ADGRL1: variants seen among roughly 807,000 people sequenced by gnomAD.
The protein encoded by ADGRL1 is adhesion G protein-coupled receptor L1.
Under a neutral mutation model 148.9 loss-of-function variants are expected in ADGRL1, and 31 were observed. The observed-to-expected ratio is 0.21, with a 90% CI of 0.16 to 0.28. The LOEUF is 0.28. Among genes scored for constraint, ADGRL1 ranks in the 10% least tolerant of loss-of-function variants. The pLI is 1.00. For synonymous variants in ADGRL1, 937 were observed against 900.3 expected (o/e 1.04, Z -0.73); for missense variants, 1,521 against 2,058.8 (o/e 0.74, Z 5.05).
intron 1 of ADGRL1, among the ~76,000 whole-genome samples, chr19:14,202,363 C>G (rs1972670065): frequency 6.6e-6 from 1 of 152,102 alleles, no homozygotes; most frequent in Non-Finnish European, 1.5e-5. Context: ...AGCAATCCTC[C>G]CGCCTCAGCC....
At chr19:14,191,180 C>G in intron 1 of ADGRL1, 1 of 456,746 alleles carries the variant, frequency 2.2e-6, no homozygotes, top group South Asian at 1.5e-5. Flanking sequence ...CTCCCTCCAG[C>G]CATGCGGGTT....
At position 14,162,621 on chromosome 19, in the gene ADGRL1, G is replaced by A. The variant is rs1751363939; in HGVS notation, c.1180C>T (p.Pro394Ser). The change falls in exon 5 of 23, where the codon CCC becomes TCC. Residue 394 changes from proline to serine, a missense_variant. Pro to Ser is a moderately conservative substitution (Grantham distance 74). Around this residue, in one of 8 missense-constraint regions of ADGRL1, gnomAD observed 270 missense variants for 320.4 expected, o/e 0.84. Coordinates refer to ENST00000361434, the MANE Select transcript of ADGRL1 (RefSeq NM_014921.5). The surrounding 1 kb of genome is among the most constrained non-coding windows in gnomAD (Gnocchi z 5.4). The part of the protein sequence containing the change: ...VVRYSLEFGP[P>S]DPSAGPATSP... Reference sequence around the variant, plus strand: ...TCGTCCTCACCAGCACTGGGGTCGGGCGGCCCGAACTCCAGGCTGTAGCGC... The same window carrying A: ...TCGTCCTCACCAGCACTGGGGTCGGACGGCCCGAACTCCAGGCTGTAGCGC... The A allele has an allele frequency of 6.2e-7, 1 of 1,606,686 alleles. No homozygotes were observed. The highest frequency in any genetic ancestry group is 1.7e-5 in the Admixed American group (1 of 59,842).
At position 14,159,419 on chromosome 19, in the gene ADGRL1, C is replaced by A. The variant is rs1169506222; in HGVS notation, c.2005G>T (p.Ala669Ser). The A allele has an allele frequency of 6.2e-7, 1 of 1,610,402 alleles. No homozygotes were observed. Among genetic ancestry groups the A allele is most frequent in the Non-Finnish European group, 8.5e-7 (1 of 1,177,956 alleles). The change falls in exon 10 of 23, where the codon GCT becomes TCT. Residue 669 changes from alanine to serine, a missense_variant. Physicochemically the swap from Ala to Ser is moderately conservative, Grantham distance 99 (BLOSUM62 1). Around this residue, in one of 8 missense-constraint regions of ADGRL1, gnomAD observed 265 missense variants for 431.9 expected, o/e 0.61. Transcript: ENST00000361434. The surrounding 1 kb of genome is among the most constrained non-coding windows in gnomAD (Gnocchi z 6.0). ...CACTCACCCACGTTCTCCTTGGCAG[C>A]CAGGAAGCGGGCAGGCTCCCTGACA... ...DNVREPARFLAAKENVVLEVT... is the reference protein window; with the variant it reads ...DNVREPARFLSAKENVVLEVT...
chr19:14,178,358 A>G (rs1970961473), intron 2 of ADGRL1, among the ~76,000 whole-genome samples: 1 of 152,062 alleles, frequency 6.6e-6, no homozygotes, highest in South Asian at 2.1e-4. Flanking sequence ...TACACAAATT[A>G]GCCAGACGTG....
chr19:14,202,295 C>G (rs1332813274), intron 1 of ADGRL1, among the ~76,000 whole-genome samples: 1 of 151,930 alleles, frequency 6.6e-6, no homozygotes, highest in African/African-American at 2.4e-5. Context: ...CTCTGTCGCC[C>G]ACGCTGGAGT....
chr19:14,162,935 T>C lies in ADGRL1; in HGVS notation c.866A>G (p.Gln289Arg). 1 of 1,613,656 alleles carries C rather than the reference T, an allele frequency of 6.2e-7. No individual in the cohort carries two copies. Reference sequence around the variant, plus strand: ...AAAGCGCAGTGTGTAGGGGTTCAGCTGGCTCACCACCAGCCGCCCGTTGTT... The same window carrying C: ...AAAGCGCAGTGTGTAGGGGTTCAGCCGGCTCACCACCAGCCGCCCGTTGTT... ...EGNNGRLVVSQLNPYTLRFEG... is the reference protein window; with the variant it reads ...EGNNGRLVVSRLNPYTLRFEG... Residue 289 changes from glutamine to arginine, a missense_variant, in exon 5 of 23, where the codon CAG becomes CGG. This residue lies in a region of ADGRL1 where 334 missense variants were observed against 512.5 expected (regional missense o/e 0.65). Coordinates refer to ENST00000361434, the MANE Select transcript of ADGRL1 (RefSeq NM_014921.5). This position sits in a 1 kb window ranked among gnomAD's most constrained non-coding sequence, Gnocchi z 5.4.
At chr19:14,182,937 G>C (rs909438396) in intron 2 of ADGRL1, among the ~76,000 whole-genome samples, 3 of 152,190 alleles carry the variant, frequency 2.0e-5, no homozygotes, top group Non-Finnish European at 4.4e-5. Context: ...CCCAGAGTGA[G>C]GGGCCGGGCC....
intron 1 of ADGRL1, among the ~76,000 whole-genome samples, chr19:14,205,019 T>C (rs2145208828): frequency 6.6e-6 from 1 of 151,912 alleles, no homozygotes; most frequent in African/African-American, 2.4e-5. Context: ...TGGGGCAGTG[T>C]GAGGACCCGG....
chr19:14,157,482 A>C lies in ADGRL1; in HGVS notation c.2536-22T>G. The stretch of plus-strand genomic sequence containing the variant: ...GGTACTGGGGACAGGAACAGGGGGC[A>C]CGCTCAGGGCCTTTGGTTTTGCACG... On this transcript the variant is annotated intron_variant, in intron 13 of 22. Transcript: ENST00000361434. This position sits in a 1 kb window ranked among gnomAD's most constrained non-coding sequence, Gnocchi z 7.5. 6.2e-7 allele frequency: 1 copy of C among 1,611,952 alleles called. No individual in the cohort carries two copies. Among genetic ancestry groups the C allele is most frequent in the South Asian group, 1.1e-5 (1 of 91,046 alleles).
chr19:14,175,009 AT>A (rs1424106845), intron 3 of ADGRL1, among the ~76,000 whole-genome samples: 1 of 150,590 alleles, frequency 6.6e-6, no homozygotes, highest in Non-Finnish European at 1.5e-5. Context: ...TGGCTAATTT[AT>A]TTTTTAGTTT....
chr19:14,180,492 G>A (rs1277867667), intron 2 of ADGRL1, among the ~76,000 whole-genome samples: 1 of 151,974 alleles, frequency 6.6e-6, no homozygotes, highest in Non-Finnish European at 1.5e-5. Context: ...CTGACCTCAG[G>A]TGATCCGCCC....
intron 1 of ADGRL1, among the ~76,000 whole-genome samples, chr19:14,200,308 C>T (rs1428875548): frequency 6.6e-6 from 1 of 152,188 alleles, no homozygotes. Flanking sequence ...CGGGAACAGA[C>T]TGTGCAGGAC....
chr19:14,151,314 A>G lies in ADGRL1; in HGVS notation c.3969T>C (p.Ala1323=), dbSNP rs544480449. The G allele has an allele frequency of 1.6e-5, 25 of 1,595,936 alleles. No homozygotes were observed. In the African/African-American group the frequency reaches 3.4e-4, roughly 21 times the overall value. ...GEEEAGGPGG[A]DRAEIELLYK... ...AGAGAAGTTCAATCTCGGCCCGGTC[A>G]GCACCCCCGGGCCCGCCCGCCTCTT... is the stretch of plus-strand genomic sequence containing the variant. Residue 1323 remains alanine, a synonymous_variant, in exon 23 of 23, where the codon GCT becomes GCC. Coordinates refer to ENST00000361434, the MANE Select transcript of ADGRL1 (RefSeq NM_014921.5).
intron 1 of ADGRL1, among the ~76,000 whole-genome samples, chr19:14,205,542 AC>A (rs1031576369): frequency 6.7e-6 from 1 of 149,082 alleles, no homozygotes; most frequent in Non-Finnish European, 1.5e-5. Context: ...GCGCACACGC[AC>A]CCCCTCCGCT....
In ADGRL1 at chr19:14,155,935, G is replaced by A. The variant is rs1968684393; in HGVS notation, c.3125+175C>T. The stretch of plus-strand genomic sequence containing the variant: ...GACGTGCTAATGATACGCTATCTAA[G>A]ACCCATTAAGTAGGTACATAGTGAA... On this transcript the variant is annotated intron_variant, in intron 17 of 22. Coordinates refer to ENST00000361434, the MANE Select transcript of ADGRL1 (RefSeq NM_014921.5). The surrounding 1 kb of genome is among the most constrained non-coding windows in gnomAD (Gnocchi z 5.0). The A allele has an allele frequency of 3.2e-6, 2 of 618,866 alleles. No homozygotes were observed. Among genetic ancestry groups the A allele is most frequent in the South Asian group, 1.9e-5 (1 of 53,602 alleles). The allele number at this position is 618,866 out of a possible 1,614,324, so 38.3% of individuals were successfully genotyped here. A position where few individuals can be genotyped will look rare whatever the true frequency, so the allele number is the denominator to read the frequency against.
chr19:14,158,504 A>G lies in ADGRL1; in HGVS notation c.2198T>C (p.Leu733Pro). The change falls in exon 12 of 23, where the codon CTG becomes CCG. Residue 733 changes from leucine (L) to proline (P), a missense_variant. Coordinates refer to ENST00000361434, the MANE Select transcript of ADGRL1 (RefSeq NM_014921.5). ...CTTCACTGTGGCATTCTCCGTGGAC[A>G]GGAAGAGGCCCAGGTTGTTGTAGAG... ...FILYNNLGLFLSTENATVKLA... is the reference protein window; with the variant it reads ...FILYNNLGLFPSTENATVKLA... The G allele has an allele frequency of 6.2e-7, 1 of 1,614,092 alleles. No individual in the cohort carries two copies. The highest frequency in any genetic ancestry group is 8.5e-7 in the Non-Finnish European group (1 of 1,180,028).
intron 4 of ADGRL1, chr19:14,166,912 G>T: frequency 1.6e-6 from 2 of 1,214,926 alleles, no homozygotes; most frequent in Non-Finnish European, 1.2e-6. Flanking sequence ...ACCAAGTGTG[G>T]GTTGGGGAGA....
At chr19:14,182,643 G>A (rs1971278500) in intron 2 of ADGRL1, among the ~76,000 whole-genome samples, 1 of 152,228 alleles carries the variant, frequency 6.6e-6, no homozygotes, top group Non-Finnish European at 1.5e-5. Flanking sequence ...AGCCTTCCCG[G>A]GCTTGGGAGG....
At chr19:14,197,233 C>T (rs1249989196) in intron 1 of ADGRL1, among the ~76,000 whole-genome samples, 1 of 152,084 alleles carries the variant, frequency 6.6e-6, no homozygotes, top group Non-Finnish European at 1.5e-5. Context: ...GATCATGCCA[C>T]TGCACTCCAG....
Sources: allele counts gnomAD v4.1 joint callset (sites outside exome capture counted in the v4.1 genomes callset), GRCh38; gene constraint gnomAD v4.1.1; regional missense constraint gnomAD v4.1.1; non-coding constraint Gnocchi (gnomAD v3.1); transcripts MANE v1.5; gene names NCBI Gene and HGNC (gene_info 2026-07-23, HGNC 2026-07-21).